Variants in MID1 observed in about 807,000 individuals in gnomAD.
MID1 encodes the protein E3 ubiquitin-protein ligase Midline-1.
Under a neutral mutation model 40.4 loss-of-function variants are expected in MID1, and 7 were observed. That is an observed-to-expected ratio of 0.17 (90% CI 0.10 to 0.33). The LOEUF (loss-of-function observed/expected upper bound fraction) is 0.33, where lower values mean the gene tolerates loss of function less well. Ranked by LOEUF, MID1 falls within the 10% of genes least tolerant of loss-of-function variation. MID1 has a pLI of 1.00. For missense variants in MID1, 367 were observed against 558.5 expected (o/e 0.66, Z 3.46); for synonymous variants, 229 against 221.2 (o/e 1.04, Z -0.31).
intron 3 of MID1, among the ~76,000 whole-genome samples, chrX:10,522,826 G>C (rs1932763169): frequency 8.9e-6 from 1 of 111,801 alleles, no homozygotes; most frequent in Non-Finnish European, 1.9e-5. Flanking sequence ...TTCTTTGTAA[G>C]GGCAATTAAA....
intron 1 of MID1, among the ~76,000 whole-genome samples, chrX:10,798,845 G>T (rs1159277876): frequency 8.9e-6 from 1 of 111,849 alleles, no homozygotes; most frequent in African/African-American, 3.2e-5. Context: ...TTTATTAGAT[G>T]ACAGCTATCC....
chrX:10,713,279 A>G (rs757792083), intron 1 of MID1, among the ~76,000 whole-genome samples: 1 of 111,484 alleles, frequency 9.0e-6, no homozygotes, highest in East Asian at 2.8e-4. Context: ...CTTTAGCTGA[A>G]AAGTGGTAGA....
At chrX:10,677,969 G>A (rs1487678439) in intron 1 of MID1, among the ~76,000 whole-genome samples, 1 of 110,655 alleles carries the variant, frequency 9.0e-6, no homozygotes, top group Non-Finnish European at 1.9e-5. Flanking sequence ...ATTCCCCTTT[G>A]CTGGAGTAAT....
At chrX:10,793,962 C>T (rs941535870) in intron 1 of MID1, among the ~76,000 whole-genome samples, 1 of 111,685 alleles carries the variant, frequency 9.0e-6, no homozygotes, top group Admixed American at 9.6e-5. Context: ...CCCTTCTTGC[C>T]TTGCTCCCTT....
At chrX:10,665,859 T>C (rs922882524) in intron 1 of MID1, among the ~76,000 whole-genome samples, 4 of 110,633 alleles carry the variant, frequency 3.6e-5, no homozygotes, top group African/African-American at 9.9e-5. Flanking sequence ...TGCCCTGATG[T>C]TTATTATATC....
intron 1 of MID1, among the ~76,000 whole-genome samples, chrX:10,757,100 T>C (rs1382901779): frequency 2.7e-5 from 3 of 111,791 alleles, no homozygotes; most frequent in African/African-American, 9.8e-5. Context: ...GCTGGAGGGC[T>C]TGCCAAAACA....
intron 2 of MID1, among the ~76,000 whole-genome samples, chrX:10,565,976 A>AT (rs1414896771): frequency 1.8e-5 from 2 of 110,128 alleles, no homozygotes; most frequent in South Asian, 3.9e-4. Flanking sequence ...CACCCGGCTA[A>AT]TTTTTTTATT....
At chrX:10,680,053 A>C (rs6530408) in intron 1 of MID1, among the ~76,000 whole-genome samples, 5,251 of 111,728 alleles carry the variant, frequency 0.047, 179 homozygotes, top group African/African-American at 0.12. Flanking sequence ...TAAAACTTGC[A>C]TCTACATTTT....
chrX:10,602,054 T>C (rs1406122917), intron 1 of MID1, among the ~76,000 whole-genome samples: 1 of 107,904 alleles, frequency 9.3e-6, no homozygotes, highest in Non-Finnish European at 1.9e-5. Flanking sequence ...CCCGCCACCA[T>C]GCCCGGCTAA....
chrX:10,558,677 T>C (rs1934218558), intron 2 of MID1, among the ~76,000 whole-genome samples: 1 of 113,143 alleles, frequency 8.8e-6, no homozygotes, highest in African/African-American at 3.2e-5. Context: ...TTCTGACATG[T>C]GTTGCAGGCT....
chrX:10,593,593 A>G (rs771310281), intron 1 of MID1, among the ~76,000 whole-genome samples: 4 of 111,613 alleles, frequency 3.6e-5, no homozygotes, highest in Non-Finnish European at 7.5e-5. Context: ...ACGCTCCTGT[A>G]TTGGGTAGGA....
intron 1 of MID1, among the ~76,000 whole-genome samples, chrX:10,680,557 T>C (rs1253802668): frequency 2.7e-5 from 3 of 112,113 alleles, no homozygotes; most frequent in Non-Finnish European, 5.6e-5. Context: ...TGATCTTTCC[T>C]TTTCAGTCAT....
chrX:10,630,138 G>A (rs1045579499), intron 1 of MID1, among the ~76,000 whole-genome samples: 1 of 111,765 alleles, frequency 8.9e-6, no homozygotes, highest in African/African-American at 3.3e-5. Flanking sequence ...AGGTGCTGAC[G>A]ATACAGACAG....
chrX:10,731,931 C>T (rs189079964), intron 1 of MID1, among the ~76,000 whole-genome samples: 8 of 92,183 alleles, frequency 8.7e-5, no homozygotes, highest in Middle Eastern at 7.4e-3. Flanking sequence ...CTGCACTCTG[C>T]ACTCTGTCCT....
chrX:10,553,873 C>CA (rs1428858525), intron 2 of MID1, among the ~76,000 whole-genome samples: 1 of 111,864 alleles, frequency 8.9e-6, no homozygotes, highest in African/African-American at 3.2e-5. Context: ...AAAGTGAAGG[C>CA]AAAAATACTT....
intron 1 of MID1, among the ~76,000 whole-genome samples, chrX:10,832,712 C>T (rs1763151196): frequency 1.8e-5 from 2 of 112,172 alleles, no homozygotes; most frequent in Admixed American, 1.9e-4. Context: ...AAAGTTTTAC[C>T]TATGCCCCAG....
At chrX:10,783,211 C>T (rs2043858157) in intron 1 of MID1, among the ~76,000 whole-genome samples, 1 of 111,520 alleles carries the variant, frequency 9.0e-6, no homozygotes, top group African/African-American at 3.3e-5. Context: ...CTTAAATAGA[C>T]AGCCACAGTG....
At chrX:10,670,254 C>G (rs1347092273) in intron 1 of MID1, among the ~76,000 whole-genome samples, 3 of 112,064 alleles carry the variant, frequency 2.7e-5, no homozygotes, top group African/African-American at 9.7e-5. Context: ...GGTCTCATAT[C>G]TTCCTGGTGA....
At chrX:10,692,911 G>A (rs952120104) in intron 1 of MID1, among the ~76,000 whole-genome samples, 1 of 111,240 alleles carries the variant, frequency 9.0e-6, no homozygotes, top group African/African-American at 3.3e-5. Context: ...TTAGTTGAAT[G>A]AGACAAAAGG....
Sources: gnomAD v4.1 joint callset for allele counts (sites outside exome capture counted in the v4.1 genomes callset) on GRCh38, gnomAD v4.1.1 for gene constraint, MANE v1.5 for transcripts, NCBI Gene and HGNC (gene_info 2026-07-23, HGNC 2026-07-21) for gene names.